DHPS: variants seen among roughly 807,000 people sequenced by gnomAD.
DHPS encodes deoxyhypusine synthase.
Under a neutral mutation model 38.7 loss-of-function variants are expected in DHPS, and 24 were observed. The ratio of observed to expected loss-of-function variants is 0.62; its 90% CI spans 0.45 to 0.87. The LOEUF is 0.87. Ranked by LOEUF, DHPS falls within the 40% of genes least tolerant of loss-of-function variation. DHPS has a pLI of 0.00. For missense variants in DHPS, 510 were observed against 497.6 expected (o/e 1.02, Z -0.24); for synonymous variants, 250 against 204.4 (o/e 1.22, Z -1.90).
At position 12,679,613 on chromosome 19, in the gene DHPS, C is replaced by A. The variant is rs2024731238; in HGVS notation, c.591+10G>T. Reference sequence around the variant, plus strand: ...ACTGAACTGGCCCCTCCAGGTTGCCCCAGCCCCACCTCTGTGTTCTGCTCC... The same window carrying A: ...ACTGAACTGGCCCCTCCAGGTTGCCACAGCCCCACCTCTGTGTTCTGCTCC... On this transcript the variant is annotated intron_variant, in intron 4 of 8. Transcript: ENST00000210060. The A allele has an allele frequency of 6.2e-7, 1 of 1,614,154 alleles. No homozygotes were observed. The highest frequency in any genetic ancestry group is 1.3e-5 in the African/African-American group (1 of 75,036).
chr19:12,675,879 G>A lies in DHPS; in HGVS notation c.1069C>T (p.Gln357Ter). The change falls in exon 9 of 9, where the codon CAG (glutamine) becomes TAG (stop). Residue 357 changes from glutamine to a stop codon, truncating the protein, a stop_gained. Transcript: ENST00000210060. LOFTEE classifies it high-confidence loss of function. ...FPLLVAETFA[Q>*]KMDAFMHEKN... ...TCATGCATGAAGGCATCCATCTTCTGGGCAAAGGTTTCAGCCACAAGCAGG... is the reference window on the plus strand; with the variant it reads ...TCATGCATGAAGGCATCCATCTTCTAGGCAAAGGTTTCAGCCACAAGCAGG... The A allele has an allele frequency of 6.2e-7, 1 of 1,610,214 alleles. No homozygotes were observed. The highest frequency in any genetic ancestry group is 8.5e-7 in the Non-Finnish European group (1 of 1,178,072).
chr19:12,681,168 T>C (rs1330798584), intron 1 of DHPS: 2 of 1,267,892 alleles, frequency 1.6e-6, no homozygotes, highest in Admixed American at 5.6e-5. Flanking sequence ...AGCATCTCCT[T>C]TCAGATCCGG....
At position 12,681,551 on chromosome 19, in the gene DHPS, G is replaced by T. The variant is rs779667397; in HGVS notation, c.207+9C>A. Reference sequence around the variant, plus strand: ...CTCCGCGTCCCTAGAAATTCCGCCCGGTCCTCACCATGGCATTGACTTGCT... The same window carrying T: ...CTCCGCGTCCCTAGAAATTCCGCCCTGTCCTCACCATGGCATTGACTTGCT... On this transcript the variant is annotated intron_variant, in intron 1 of 8. Transcript: ENST00000210060. 6.2e-7 allele frequency: 1 copy of T among 1,614,136 alleles called. No homozygotes were observed. Among genetic ancestry groups the T allele is most frequent in the Non-Finnish European group, 8.5e-7 (1 of 1,179,990 alleles).
At chr19:12,672,999 T>TC, downstream of DHPS, 1 of 1,611,484 alleles carries the variant, frequency 6.2e-7, no homozygotes, top group Non-Finnish European at 8.5e-7. Context: ...TACCCACCCT[T>TC]CCCCCAAGGC....
chr19:12,675,395 G>A (rs2024544755), downstream of DHPS: 3 of 1,332,074 alleles, frequency 2.3e-6, no homozygotes, highest in South Asian at 1.4e-5. Context: ...ATTAGAGGCA[G>A]GTGGCTGAAG....
chr19:12,681,582 G>C lies in DHPS; in HGVS notation c.185C>G (p.Ala62Gly), dbSNP rs764937900. 2.6e-5 allele frequency: 42 copies of C among 1,614,158 alleles called. No homozygotes were observed. The highest frequency in any genetic ancestry group is 3.6e-5 in the Non-Finnish European group (42 of 1,180,062). Reference protein sequence around the residue: ...TGFQATNFGRAVQQVNAMIEK... With the variant: ...TGFQATNFGRGVQQVNAMIEK... ...CACCATGGCATTGACTTGCTGTACA[G>C]CGCGCCCGAAGTTGGTTGCTTGGAA... is the stretch of plus-strand genomic sequence containing the variant. The change falls in exon 1 of 9, where the codon GCT becomes GGT. Residue 62 changes from alanine to glycine, a missense_variant. By Grantham distance (60) the Ala-to-Gly change is moderately conservative. Transcript: ENST00000210060.
downstream of DHPS, chr19:12,672,604 G>C (rs2024455746): frequency 3.7e-6 from 2 of 542,628 alleles, no homozygotes. Context: ...GCAAAACTCT[G>C]TCTCAAACAA....
rs1273279874 is a variant in DHPS at position 12,679,878 on chromosome 19, G to T, written c.417C>A (p.Leu139=). 6.2e-7 allele frequency: 1 copy of T among 1,613,974 alleles called. No homozygotes were observed. The highest frequency in any genetic ancestry group is 8.5e-7 in the Non-Finnish European group (1 of 1,180,018). ...VTTAGGVEED[L]IKCLAPTYLG... ...AGTATGTGGGCGCCAGGCACTTGAT[G>T]AGGTCTTCCTCCACGCCGCCAGCTG... The change falls in exon 3 of 9, where the codon CTC becomes CTA. Residue 139 remains leucine (L), a synonymous_variant. Coordinates refer to ENST00000210060, the MANE Select transcript of DHPS (RefSeq NM_001930.4).
In DHPS at chr19:12,681,735, G is replaced by C. The variant is rs200005580; in HGVS notation, c.32C>G (p.Ala11Gly). Residue 11 changes from alanine to glycine, a missense_variant, in exon 1 of 9, where the codon GCG becomes GGG. By Grantham distance (60) the Ala-to-Gly change is moderately conservative (BLOSUM62 0). Coordinates refer to ENST00000210060, the MANE Select transcript of DHPS (RefSeq NM_001930.4). ...CTTTAGCACGGCGGCCAGCGCCCCC[G>C]CTGGCGCCTCCCGTTCCAGGGAACC... is the stretch of plus-strand genomic sequence containing the variant. MEGSLEREAP[A>G]GALAAVLKHS... The C allele has an allele frequency of 1.6e-5, 26 of 1,612,124 alleles. No homozygotes were observed. In the East Asian group the frequency reaches 3.3e-4, roughly 21 times the overall value.
At chr19:12,675,431 C>A, downstream of DHPS, 1 of 1,518,808 alleles carries the variant, frequency 6.6e-7, no homozygotes, top group South Asian at 1.3e-5. Flanking sequence ...CTGAGGGCTT[C>A]AGGCAGGACT....
In DHPS at chr19:12,681,184, T is replaced by C. The variant is rs1305572625; in HGVS notation, c.207+376A>G. 12 of 1,240,368 alleles carry C rather than the reference T, an allele frequency of 9.7e-6. No homozygotes were observed. In the African/African-American group the frequency reaches 1.1e-4, roughly 11 times the overall value. 76.8% of individuals were successfully genotyped at this position (1,240,368 alleles called of 1,614,324 possible). On this transcript the variant is annotated intron_variant, in intron 1 of 8. Coordinates refer to ENST00000210060, the MANE Select transcript of DHPS (RefSeq NM_001930.4). ...GCATCTCCTTTCAGATCCGGTCCCTTCCCCGCTGGGAAAAGCAAATCTAAA... is the reference window on the plus strand; with the variant it reads ...GCATCTCCTTTCAGATCCGGTCCCTCCCCCGCTGGGAAAAGCAAATCTAAA...
At position 12,681,706 on chromosome 19, in the gene DHPS, T is replaced by C. The variant is rs779370755; in HGVS notation, c.61A>G (p.Ser21Gly). Residue 21 changes from serine to glycine, a missense_variant, in exon 1 of 9, where the codon AGC becomes GGC. Coordinates refer to ENST00000210060, the MANE Select transcript of DHPS (RefSeq NM_001930.4). Reference protein sequence around the residue: ...AGALAAVLKHSSTLPPESTQV... With the variant: ...AGALAAVLKHGSTLPPESTQV... ...GTGCTTTCGGGCGGCAACGTCGAGC[T>C]GTGCTTTAGCACGGCGGCCAGCGCC... 8.1e-6 allele frequency: 13 copies of C among 1,613,814 alleles called. No individual in the cohort carries two copies. The African/African-American group carries it at 1.1e-4, about 13-fold the overall frequency.
At chr19:12,672,826 T>C, downstream of DHPS, 1 of 1,566,632 alleles carries the variant, frequency 6.4e-7, no homozygotes. Flanking sequence ...AGGTTCCCGC[T>C]GGATCTACCC....
At chr19:12,673,199 T>G, downstream of DHPS, 1 of 1,613,940 alleles carries the variant, frequency 6.2e-7, no homozygotes, top group Non-Finnish European at 8.5e-7. Context: ...TGTCCACCCT[T>G]AGGTACAAGG....
chr19:12,672,909 T>C, downstream of DHPS: 1 of 1,599,470 alleles, frequency 6.3e-7, no homozygotes, highest in Non-Finnish European at 8.5e-7. Flanking sequence ...TCAGACTACG[T>C]GGGCAGTGAG....
At chr19:12,675,608 C>T, downstream of DHPS, 1 of 1,604,394 alleles carries the variant, frequency 6.2e-7, no homozygotes, top group Non-Finnish European at 8.5e-7. Flanking sequence ...CTGCTGACCG[C>T]CATGGGAGGC....
intron 5 of DHPS, among the ~76,000 whole-genome samples, chr19:12,678,975 C>A (rs1453936465): frequency 6.6e-6 from 1 of 151,384 alleles, no homozygotes; most frequent in Non-Finnish European, 1.5e-5. Flanking sequence ...TGAGGCCCCA[C>A]TAGTTATCTG....
downstream of DHPS, chr19:12,672,803 G>C (rs1358382108): frequency 5.7e-5 from 89 of 1,550,172 alleles, no homozygotes; most frequent in East Asian, 2.1e-3. Flanking sequence ...CTGGAGCCAT[G>C]TGAGTGTAGT....
rs750474338 is a variant in DHPS, at chr19:12,676,162, C to T, written c.889-20G>A. 70 of 1,590,012 alleles carry T rather than the reference C, an allele frequency of 4.4e-5. No homozygotes were observed. The highest frequency in any genetic ancestry group is 5.2e-5 in the Non-Finnish European group (61 of 1,170,708). On this transcript the variant is annotated intron_variant, in intron 7 of 8. Transcript: ENST00000210060. ...GTTCCGCTGTGGGGAGGCGGGGGCA[C>T]GGTGGGCCCAGTCAGCCAGTCACAG...
Sources: gnomAD v4.1 joint callset for allele counts (sites outside exome capture counted in the v4.1 genomes callset) on GRCh38, gnomAD v4.1.1 for gene constraint, MANE v1.5 for transcripts, NCBI Gene and HGNC (gene_info 2026-07-23, HGNC 2026-07-21) for gene names.